The following HIVEP1 variants were observed in gnomAD, a reference collection of about 807,000 sequenced individuals.
HIVEP1 encodes the protein zinc finger protein 40.
HIVEP1 carries 36 observed loss-of-function variants against 180.0 expected under a neutral mutation model. The observed-to-expected ratio is 0.20, with a 90% CI of 0.15 to 0.26. The LOEUF (loss-of-function observed/expected upper bound fraction) is 0.26. Among genes scored for constraint, HIVEP1 ranks in the 10% least tolerant of loss-of-function variants. The pLI, the probability that HIVEP1 is intolerant of heterozygous loss-of-function variation, is 1.00. For missense variants in HIVEP1, 3,143 were observed against 3,268.7 expected, an observed-to-expected ratio of 0.96 and a Z score of 0.94; for synonymous variants, 1,239 against 1,239.0, an observed-to-expected ratio of 1.00 and a Z score of 0.00.
intron 2 of HIVEP1, among the ~76,000 whole-genome samples, chr6:12,032,640 T>C (rs780431648): frequency 4.6e-5 from 7 of 152,202 alleles, no homozygotes; most frequent in Non-Finnish European, 1.0e-4. Flanking sequence ...TCCTACCTTA[T>C]GGGTTATTTT....
intron 2 of HIVEP1, among the ~76,000 whole-genome samples, chr6:12,061,484 G>A (rs189230528): frequency 6.6e-6 from 1 of 152,184 alleles, no homozygotes; most frequent in African/African-American, 2.4e-5. Context: ...TGGTGTAGCT[G>A]GCTAATAGAA....
intron 2 of HIVEP1, among the ~76,000 whole-genome samples, chr6:12,086,356 A>C (rs1007576335): frequency 1.3e-5 from 2 of 152,160 alleles, no homozygotes. Context: ...CTTCAGATTT[A>C]CTGACGTGGT....
the HIVEP1 span, among the ~76,000 whole-genome samples, chr6:12,174,363 C>T: frequency 1.3e-5 from 2 of 152,066 alleles, no homozygotes; most frequent in Non-Finnish European, 2.9e-5. Context: ...AAAAACTTCA[C>T]TTAACTAATG....
chr6:12,150,596 A>G lies in HIVEP1; in HGVS notation c.6488-10843A>G, dbSNP rs115535148. 1.1e-3 allele frequency among the ~76,000 whole-genome samples: 165 copies of G among 152,300 alleles called. 2 individuals carry two copies. In the East Asian group the frequency reaches 0.029, roughly 26 times the overall value. On this transcript the variant is annotated intron_variant, in intron 7 of 8. Transcript: ENST00000379388. ...TATCATCGGGATTTTTATAGAACAC[A>G]TTATTACTCTTTTTAAGAAACACTT...
intron 3 of HIVEP1, among the ~76,000 whole-genome samples, chr6:12,119,271 A>G (rs945381241): frequency 6.6e-6 from 1 of 152,262 alleles, no homozygotes; most frequent in Non-Finnish European, 1.5e-5. Context: ...TCCCTTGAGC[A>G]GGCACAGTTG....
intron 2 of HIVEP1, among the ~76,000 whole-genome samples, chr6:12,037,135 G>A (rs1769326153): frequency 1.3e-5 from 2 of 152,150 alleles, no homozygotes; most frequent in Non-Finnish European, 2.9e-5. Flanking sequence ...GTGATGGAGG[G>A]GACGGAGTGG....
Position 12,119,105 on chromosome 6 carries a change from A to G in HIVEP1, c.95-785A>G, listed in dbSNP as rs972686486. On this transcript the variant is annotated intron_variant, in intron 3 of 8. Coordinates refer to ENST00000379388, the MANE Select transcript of HIVEP1 (RefSeq NM_002114.4). ...AAACACTGAATCACTGGATTTTTAT[A>G]GAGAGAAAGATTAATGGCAAGGCAG... is the stretch of plus-strand genomic sequence containing the variant. Among the ~76,000 whole-genome samples the G allele has an allele frequency of 7.9e-5, 12 of 152,210 alleles. 1 individual carries two copies. Among genetic ancestry groups the G allele is most frequent in the Admixed American group, 7.2e-4 (11 of 15,282 alleles).
At chr6:12,009,042 G>A (rs1767142733), upstream of HIVEP1, among the ~76,000 whole-genome samples, 1 of 151,636 alleles carries the variant, frequency 6.6e-6, no homozygotes, top group Middle Eastern at 3.4e-3. Context: ...AGGGCGGAGG[G>A]CGGAGGGCCG....
At chr6:12,150,278 C>T (rs1394339187) in intron 7 of HIVEP1, among the ~76,000 whole-genome samples, 1 of 152,192 alleles carries the variant, frequency 6.6e-6, no homozygotes, top group Non-Finnish European at 1.5e-5. Context: ...ATTCAAGCCG[C>T]CAGCAATTTG....
the HIVEP1 span, among the ~76,000 whole-genome samples, chr6:12,180,920 G>T: frequency 6.6e-6 from 1 of 152,226 alleles, no homozygotes; most frequent in African/African-American, 2.4e-5. Flanking sequence ...ATTTCATTAA[G>T]ATAGACGTAG....
At chr6:12,037,712 C>CT (rs370729066) in intron 2 of HIVEP1, 253 of 393,852 alleles carry the variant, frequency 6.4e-4, no homozygotes, top group South Asian at 2.1e-3. Flanking sequence ...TTGTTTTTTC[C>CT]TTTTTTTTTG....
At chr6:12,021,082 A>G (rs904453566) in intron 2 of HIVEP1, among the ~76,000 whole-genome samples, 2 of 151,884 alleles carry the variant, frequency 1.3e-5, no homozygotes, top group African/African-American at 4.8e-5. Flanking sequence ...TAGTAGAGAC[A>G]GGTTTTCACC....
chr6:12,165,475 A>G (rs545538044), downstream of HIVEP1, among the ~76,000 whole-genome samples: 2 of 152,292 alleles, frequency 1.3e-5, no homozygotes, highest in South Asian at 4.1e-4. Flanking sequence ...ACTGAACTAC[A>G]GAGTGTCCAA....
intron 1 of HIVEP1, among the ~76,000 whole-genome samples, chr6:12,014,704 T>A (rs908002449): frequency 3.9e-5 from 6 of 152,236 alleles, no homozygotes; most frequent in African/African-American, 1.4e-4. Flanking sequence ...GATAGGTGAT[T>A]CGGTTTTGGG....
intron 4 of HIVEP1, 58 bp from the exon 5 acceptor site, chr6:12,129,701 A>AT (rs774221597): frequency 7.4e-7 from 1 of 1,357,592 alleles, no homozygotes; most frequent in Non-Finnish European, 1.1e-6. Context: ...CCAGTGAAAG[A>AT]TTAGCATGCT....
chr6:12,013,993 T>TA (rs1266928912), intron 1 of HIVEP1, among the ~76,000 whole-genome samples: 1 of 152,228 alleles, frequency 6.6e-6, no homozygotes, highest in African/African-American at 2.4e-5. Context: ...ACTGGGATGT[T>TA]AGACACATTC....
chr6:12,139,631 C>G (rs1365252712), intron 7 of HIVEP1, among the ~76,000 whole-genome samples: 2 of 152,216 alleles, frequency 1.3e-5, no homozygotes, highest in African/African-American at 2.4e-5. Flanking sequence ...ACACTCCTGC[C>G]CAAATACTGC....
intron 3 of HIVEP1, among the ~76,000 whole-genome samples, chr6:12,105,108 G>A (rs1774346798): frequency 6.6e-6 from 1 of 152,184 alleles, no homozygotes; most frequent in South Asian, 2.1e-4. Context: ...TTCTTCGCCA[G>A]GCTTCTAGGA....
At chr6:12,097,746 A>G (rs950295411) in intron 3 of HIVEP1, among the ~76,000 whole-genome samples, 1 of 152,174 alleles carries the variant, frequency 6.6e-6, no homozygotes, top group Non-Finnish European at 1.5e-5. Flanking sequence ...TGCCTTTCAG[A>G]TAGACTGCCA....
Sources: gnomAD v4.1 joint callset for allele counts (sites outside exome capture counted in the v4.1 genomes callset) on GRCh38, gnomAD v4.1.1 for gene constraint, MANE v1.5 for transcripts, NCBI Gene and HGNC (gene_info 2026-07-23, HGNC 2026-07-21) for gene names.